The following OCIAD1 variants were observed in gnomAD, a reference collection of about 807,000 sequenced individuals.
OCIAD1 encodes the protein OCIA domain containing 1, also known as OCIA domain-containing protein 1.
In OCIAD1, 29 loss-of-function variants were observed where a neutral mutation model predicts 38.9. The ratio of observed to expected loss-of-function variants is 0.74; its 90% CI spans 0.55 to 1.02. OCIAD1 has a LOEUF of 1.02. Ranked by LOEUF, OCIAD1 falls within the 50% of genes least tolerant of loss-of-function variation. OCIAD1 has a pLI of 0.00. For missense variants in OCIAD1, 288 were observed against 289.6 expected (o/e 0.99, Z 0.04); for synonymous variants, 110 against 92.0 (o/e 1.20, Z -1.12).
chr4:48,831,692 A>G (rs770422698), intron 1 of OCIAD1, among the ~76,000 whole-genome samples: 2 of 152,184 alleles, frequency 1.3e-5, no homozygotes, highest in African/African-American at 2.4e-5. Flanking sequence ...ATTTTTTCTC[A>G]TACGGTTGTA....
Position 48,861,050 on chromosome 4 carries a change from G to A in OCIAD1, c.*288G>A, listed in dbSNP as rs1458472378. On this transcript the variant is annotated 3_prime_UTR_variant, in exon 9 of 9. Coordinates refer to ENST00000264312, the MANE Select transcript of OCIAD1 (RefSeq NM_017830.4). Reference sequence around the variant, plus strand: ...GGGCAAAGATAACTCTTAAAAAACCGTCGAGATTACAATGCTCTAGAATCA... The same window carrying A: ...GGGCAAAGATAACTCTTAAAAAACCATCGAGATTACAATGCTCTAGAATCA... 5.2e-5 allele frequency: 17 copies of A among 329,602 alleles called. No homozygotes were observed. The highest frequency in any genetic ancestry group is 4.9e-4 in the Admixed American group (10 of 20,262). 20.4% of individuals were successfully genotyped at this position (329,602 alleles called of 1,614,324 possible).
chr4:48,815,813 C>A (rs1329952183), intron 1 of OCIAD1, among the ~76,000 whole-genome samples: 1 of 152,192 alleles, frequency 6.6e-6, no homozygotes, highest in Non-Finnish European at 1.5e-5. Context: ...GTGGCCAAGG[C>A]ATAAATTCAT....
At chr4:48,841,339 T>TG (rs879600066) in intron 3 of OCIAD1, among the ~76,000 whole-genome samples, 4 of 152,132 alleles carry the variant, frequency 2.6e-5, no homozygotes, top group Admixed American at 1.3e-4. Context: ...TAAAATAACT[T>TG]GCAGTGAAAG....
At chr4:48,813,977 T>A (rs1380174003) in intron 1 of OCIAD1, among the ~76,000 whole-genome samples, 3 of 152,214 alleles carry the variant, frequency 2.0e-5, no homozygotes, top group African/African-American at 7.2e-5. Context: ...TAAATAATTT[T>A]GTAGTTCTAA....
intron 1 of OCIAD1, among the ~76,000 whole-genome samples, chr4:48,819,344 T>C (rs1219057480): frequency 1.3e-5 from 2 of 151,994 alleles, no homozygotes; most frequent in African/African-American, 4.8e-5. Context: ...GACAAGCAAA[T>C]GCTGAGGGAT....
At chr4:48,829,314 G>A (rs1777305429), upstream of OCIAD1, among the ~76,000 whole-genome samples, 1 of 150,998 alleles carries the variant, frequency 6.6e-6, no homozygotes, top group African/African-American at 2.4e-5. Flanking sequence ...CACCTAGAAT[G>A]TCTTCTAATT....
intron 3 of OCIAD1, among the ~76,000 whole-genome samples, chr4:48,839,510 C>G (rs963656722): frequency 2.6e-5 from 4 of 151,556 alleles, no homozygotes; most frequent in Non-Finnish European, 5.9e-5. Context: ...CACACAGTAG[C>G]TGTGAGATTT....
Position 48,839,802 on chromosome 4 carries a change from G to C in OCIAD1, c.140-2834G>C, listed in dbSNP as rs575354946. 8.5e-5 allele frequency among the ~76,000 whole-genome samples: 13 copies of C among 152,156 alleles called. No homozygotes were observed. The South Asian group carries it at 2.7e-3, about 32-fold the overall frequency. Reference sequence around the variant, plus strand: ...TAGTTTGGGACTGTGGTAATAATGTGCACTAGGTTTTGGTCAGCAGTATTA... The same window carrying C: ...TAGTTTGGGACTGTGGTAATAATGTCCACTAGGTTTTGGTCAGCAGTATTA... On this transcript the variant is annotated intron_variant, in intron 3 of 8. Transcript: ENST00000264312.
chr4:48,837,263 G>GT lies in OCIAD1; in HGVS notation c.139+3795dup, dbSNP rs34817961. On this transcript the variant is annotated intron_variant, in intron 3 of 8. Coordinates refer to ENST00000264312, the MANE Select transcript of OCIAD1 (RefSeq NM_017830.4). ...GCTGGGATTACAGACGTAAGCCATCGTTTTTTTTTTTTTGTTTTTTTTTCT... is the reference window on the plus strand; with the variant it reads ...GCTGGGATTACAGACGTAAGCCATCGTTTTTTTTTTTTTTGTTTTTTTTTCT... 183 of 138,712 alleles carry GT rather than the reference G, an allele frequency of 1.3e-3. 1 individual carries two copies. Among genetic ancestry groups the GT allele is most frequent in the East Asian group, 3.8e-3 (18 of 4,732 alleles). The allele number at this position is 138,712 out of a possible 1,614,324, so 8.6% of individuals were successfully genotyped here. A position where few individuals can be genotyped will look rare whatever the true frequency, so the allele number is the denominator to read the frequency against.
intron 7 of OCIAD1, among the ~76,000 whole-genome samples, chr4:48,853,339 T>G (rs1219771039): frequency 6.6e-6 from 1 of 152,210 alleles, no homozygotes; most frequent in Non-Finnish European, 1.5e-5. Flanking sequence ...ATTAATGTGT[T>G]TGCTTACTCA....
chr4:48,859,511 G>C (rs1780411269), intron 8 of OCIAD1, among the ~76,000 whole-genome samples: 1 of 152,266 alleles, frequency 6.6e-6, no homozygotes, highest in South Asian at 2.1e-4. Flanking sequence ...TATGGTAATA[G>C]AGGTTAAGAA....
chr4:48,831,504 A>C (rs760901200), intron 1 of OCIAD1: 12 of 1,290,090 alleles, frequency 9.3e-6, no homozygotes, highest in Non-Finnish European at 1.2e-5. Context: ...CAGGTGGGAG[A>C]CGGACACTGG....
In OCIAD1 at chr4:48,857,280, G is replaced by C; in HGVS notation, c.615G>C (p.Lys205Asn). The C allele has an allele frequency of 1.9e-6, 3 of 1,598,052 alleles. No homozygotes were observed. Among genetic ancestry groups the C allele is most frequent in the Non-Finnish European group, 2.6e-6 (3 of 1,171,100 alleles). ...TTACATATGAGGAATTAAGGAATAA[G>C]AACAGAGAGTCATATGAAGTATCTT... ...KNITYEELRN[K>N]NRESYEVSLT... is the part of the protein sequence containing the mutation. The change falls in exon 8 of 9, where the codon AAG becomes AAC. Residue 205 changes from lysine (K) to asparagine (N), a missense_variant. Lys to Asn is a moderately conservative substitution (Grantham distance 94). Coordinates refer to ENST00000264312, the MANE Select transcript of OCIAD1 (RefSeq NM_017830.4).
chr4:48,823,750 A>G (rs1222818694), intron 1 of OCIAD1, among the ~76,000 whole-genome samples: 2 of 137,566 alleles, frequency 1.5e-5, no homozygotes, highest in Non-Finnish European at 3.1e-5. Context: ...GGAGCCTTAA[A>G]TCCCTGGGCA....
chr4:48,819,320 C>T (rs547141723), intron 1 of OCIAD1, among the ~76,000 whole-genome samples: 1 of 152,176 alleles, frequency 6.6e-6, no homozygotes, highest in African/African-American at 2.4e-5. Context: ...AAAGGAGTAA[C>T]AAAATCCTAT....
chr4:48,835,938 C>T (rs1230704513), intron 3 of OCIAD1, among the ~76,000 whole-genome samples: 1 of 152,222 alleles, frequency 6.6e-6, no homozygotes, highest in African/African-American at 2.4e-5. Context: ...TTTGCAATAA[C>T]TTCATCTCTG....
chr4:48,860,608 A>C (rs1482022831), intron 8 of OCIAD1, 117 bp from the exon 9 acceptor site: 1 of 822,288 alleles, frequency 1.2e-6, no homozygotes, highest in Non-Finnish European at 2.1e-6. Context: ...TTTGACTCTC[A>C]TGTGCTTTTA....
rs767080533 is a variant in OCIAD1 at position 48,848,447 on chromosome 4, G to A, written c.241+1G>A. ...TATGGTTCCATCCCTAAACTTATAC[G>A]TAAGTATGAACAACATTGTAGTTTT... On this transcript the variant is annotated splice_donor_variant, in intron 5 of 8. Coordinates refer to ENST00000264312, the MANE Select transcript of OCIAD1 (RefSeq NM_017830.4). LOFTEE classifies it high-confidence loss of function. 4.9e-6 allele frequency: 7 copies of A among 1,424,686 alleles called. No homozygotes were observed. In the East Asian group the frequency reaches 1.2e-4, roughly 24 times the overall value. The allele number at this position is 1,424,686 out of a possible 1,614,324, so 88.3% of individuals were successfully genotyped here.
intron 1 of OCIAD1, among the ~76,000 whole-genome samples, chr4:48,820,646 G>A (rs1356427776): frequency 6.6e-6 from 1 of 151,988 alleles, no homozygotes; most frequent in Non-Finnish European, 1.5e-5. Context: ...CAAATAGATG[G>A]ACCACTAGCT....
Sources: gnomAD v4.1 joint callset for allele counts (sites outside exome capture counted in the v4.1 genomes callset) on GRCh38, gnomAD v4.1.1 for gene constraint, MANE v1.5 for transcripts, NCBI Gene and HGNC (gene_info 2026-07-23, HGNC 2026-07-21) for gene names.